PHTF2: variants seen among roughly 807,000 people sequenced by gnomAD.
The protein encoded by PHTF2 is protein PHTF2.
PHTF2 carries 60 observed loss-of-function variants against 101.2 expected under a neutral mutation model. That is an observed-to-expected ratio of 0.59 (90% CI 0.48 to 0.73). PHTF2 has a LOEUF of 0.73. Ranked by LOEUF, PHTF2 falls within the 30% of genes least tolerant of loss-of-function variation. The pLI, the probability that PHTF2 is intolerant of heterozygous loss-of-function variation, is 0.00. For synonymous variants in PHTF2, 311 were observed against 307.3 expected, an observed-to-expected ratio of 1.01 and a Z score of -0.13; for missense variants, 747 against 908.7, an observed-to-expected ratio of 0.82 and a Z score of 2.29.
At chr7:77,945,263 G>A (rs1383169187) in intron 16 of PHTF2, among the ~76,000 whole-genome samples, 1 of 152,144 alleles carries the variant, frequency 6.6e-6, no homozygotes, top group African/African-American at 2.4e-5. Flanking sequence ...GCTTGAACCT[G>A]GGAGGCAGAA....
chr7:77,931,090 T>C (rs1314664493), intron 12 of PHTF2, among the ~76,000 whole-genome samples: 4 of 152,188 alleles, frequency 2.6e-5, no homozygotes, highest in African/African-American at 9.6e-5. Context: ...GACTATATGG[T>C]TGTGAGTCAA....
At chr7:77,944,639 A>G (rs542475299) in intron 16 of PHTF2, among the ~76,000 whole-genome samples, 34 of 152,288 alleles carry the variant, frequency 2.2e-4, no homozygotes, top group Non-Finnish European at 4.6e-4. Flanking sequence ...TCCGGTATCA[A>G]AACATAGGAA....
intron 1 of PHTF2, among the ~76,000 whole-genome samples, chr7:77,804,912 G>T (rs559583213): frequency 6.6e-6 from 1 of 152,222 alleles, no homozygotes; most frequent in Non-Finnish European, 1.5e-5. Context: ...GAATAATTTT[G>T]TTGAAATACC....
chr7:77,947,542 G>A (rs1002888509), intron 16 of PHTF2, among the ~76,000 whole-genome samples: 2 of 151,838 alleles, frequency 1.3e-5, no homozygotes, highest in African/African-American at 4.8e-5. Context: ...CAGCCTGGGC[G>A]ACAGAGTGAG....
intron 12 of PHTF2, among the ~76,000 whole-genome samples, chr7:77,934,122 TTTTC>T (rs1804866959): frequency 6.6e-6 from 1 of 152,256 alleles, no homozygotes. Context: ...TACTAGTTTT[TTTTC>T]TTGTTTAACC....
rs1207982800 is a variant in PHTF2, at chr7:77,932,619, AGAGTGTGTGT to A, written c.1338+3294_1338+3303del. ...GAGAGAGAAAGAGAGAGAGAGAGAG[AGAGTGTGTGT>A]GTGTGTGTGTGTGTGTGTGTGTGTG... On this transcript the variant is annotated intron_variant, in intron 12 of 19. Transcript: ENST00000416283. Among the ~76,000 whole-genome samples the A allele has an allele frequency of 2.7e-3, 301 of 111,644 alleles. 1 individual carries two copies. Among genetic ancestry groups the A allele is most frequent in the African/African-American group, 9.3e-3 (228 of 24,438 alleles). The allele number at this position is 111,644 out of a possible 152,430, so 73.2% of individuals were successfully genotyped here.
chr7:77,928,480 C>T (rs1003087019), intron 11 of PHTF2, among the ~76,000 whole-genome samples: 1 of 150,060 alleles, frequency 6.7e-6, no homozygotes, highest in African/African-American at 2.5e-5. Flanking sequence ...TAAATCCACT[C>T]TTGCTTAAAA....
rs542902839 is a variant in PHTF2, at chr7:77,828,052, A to G, written c.-35-12169A>G. 4.8e-4 allele frequency among the ~76,000 whole-genome samples: 73 copies of G among 152,346 alleles called. 1 individual carries two copies. In the South Asian group the frequency reaches 0.015, roughly 31 times the overall value. On this transcript the variant is annotated intron_variant, in intron 1 of 19. Coordinates refer to ENST00000416283, the Ensembl canonical transcript of PHTF2. ...AGCCGTTTAGTTAACTCTTTAAGCC[A>G]TTTAGATATCATTTAGTCCATTACT...
chr7:77,867,612 G>C (rs1428978643), intron 3 of PHTF2, among the ~76,000 whole-genome samples: 2 of 152,188 alleles, frequency 1.3e-5, no homozygotes, highest in Non-Finnish European at 2.9e-5. Flanking sequence ...GGAGTAAAAA[G>C]CAGAGACATT....
chr7:77,932,619 A>AGTGTGTGTGTGTGT (rs1390574112), intron 12 of PHTF2, among the ~76,000 whole-genome samples: 1 of 111,666 alleles, frequency 9.0e-6, no homozygotes, highest in Non-Finnish European at 1.8e-5. Flanking sequence ...AGAGAGAGAG[A>AGTGTGTGTGTGTGT]GAGTGTGTGT....
At chr7:77,914,338 A>G (rs1185060797) in intron 9 of PHTF2, among the ~76,000 whole-genome samples, 4 of 152,190 alleles carry the variant, frequency 2.6e-5, no homozygotes, top group Admixed American at 1.3e-4. Flanking sequence ...TGGATATGCA[A>G]TATTTTTACA....
chr7:77,913,543 A>T (rs1357613272), intron 9 of PHTF2, among the ~76,000 whole-genome samples: 2 of 152,152 alleles, frequency 1.3e-5, no homozygotes, highest in African/African-American at 4.8e-5. Flanking sequence ...CATAGTACTT[A>T]CTTCAGAAGT....
intron 1 of PHTF2, among the ~76,000 whole-genome samples, chr7:77,808,180 A>C (rs368461749): frequency 6.6e-6 from 1 of 152,152 alleles, no homozygotes; most frequent in African/African-American, 2.4e-5. Context: ...TTAAGATTCA[A>C]TATATATTTT....
At chr7:77,872,150 A>G (rs1562897564) in intron 3 of PHTF2, among the ~76,000 whole-genome samples, 1 of 152,294 alleles carries the variant, frequency 6.6e-6, no homozygotes, top group East Asian at 1.9e-4. Context: ...GTGGAAGTCC[A>G]TGTTGCTGAG....
At chr7:77,802,724 T>C (rs1792654878) in intron 1 of PHTF2, among the ~76,000 whole-genome samples, 1 of 152,188 alleles carries the variant, frequency 6.6e-6, no homozygotes, top group Non-Finnish European at 1.5e-5. Context: ...TATTTTTTTG[T>C]ACATACAGGG....
chr7:77,918,179 A>G (rs1320560309), intron 9 of PHTF2, among the ~76,000 whole-genome samples: 2 of 152,132 alleles, frequency 1.3e-5, no homozygotes. Context: ...TACAGACTCA[A>G]AGACCCTTTT....
chr7:77,924,000 A>C, intron 11 of PHTF2: 1 of 889,736 alleles, frequency 1.1e-6, no homozygotes, highest in Non-Finnish European at 1.3e-6. Flanking sequence ...TGATATAAGA[A>C]ATTACATAAA....
chr7:77,950,261 T>A (rs1438211466), intron 17 of PHTF2, among the ~76,000 whole-genome samples: 2 of 152,208 alleles, frequency 1.3e-5, no homozygotes, highest in Non-Finnish European at 2.9e-5. Context: ...AAACTTATTC[T>A]CATGAATATT....
intron 1 of PHTF2, among the ~76,000 whole-genome samples, chr7:77,811,280 A>G (rs1217420023): frequency 6.6e-6 from 1 of 152,162 alleles, no homozygotes; most frequent in African/African-American, 2.4e-5. Flanking sequence ...GGAGGCAAAT[A>G]CTGTTATTTC....
Sources: gnomAD v4.1 joint callset for allele counts (sites outside exome capture counted in the v4.1 genomes callset) on GRCh38, gnomAD v4.1.1 for gene constraint, MANE v1.5 for transcripts, NCBI Gene and HGNC (gene_info 2026-07-23, HGNC 2026-07-21) for gene names.